The following CMTM7 variants were observed in gnomAD, a reference collection of about 807,000 sequenced individuals.
The protein encoded by CMTM7 is CKLF-like MARVEL transmembrane domain-containing protein 7.
A neutral mutation model predicts 19.3 loss-of-function variants in CMTM7; 7 were observed. The ratio of observed to expected loss-of-function variants is 0.36; its 90% CI spans 0.21 to 0.68. CMTM7 has a LOEUF of 0.68. Ranked by LOEUF, CMTM7 falls within the 30% of genes least tolerant of loss-of-function variation. The probability of loss-of-function intolerance (pLI) is 0.60; values close to 1 mark genes in which losing one functional copy is unlikely to be tolerated. For missense variants in CMTM7, 193 were observed against 232.6 expected, an observed-to-expected ratio of 0.83 and a Z score of 1.11; for synonymous variants, 87 against 99.3, an observed-to-expected ratio of 0.88 and a Z score of 0.74.
intron 1 of CMTM7, among the ~76,000 whole-genome samples, chr3:32,440,365 T>C (rs1455069566): frequency 1.3e-5 from 2 of 151,866 alleles, no homozygotes. Context: ...AAGATCATGC[T>C]ACTGCACTCC....
chr3:32,411,276 G>C (rs1696171623), intron 1 of CMTM7, among the ~76,000 whole-genome samples: 1 of 152,058 alleles, frequency 6.6e-6, no homozygotes, highest in African/African-American at 2.4e-5. Flanking sequence ...TATCGTTCAG[G>C]ATTTTTGTCT....
intron 2 of CMTM7, among the ~76,000 whole-genome samples, chr3:32,443,875 C>A (rs997280065): frequency 6.6e-6 from 1 of 152,142 alleles, no homozygotes; most frequent in South Asian, 2.1e-4. Context: ...GAAGAAATGT[C>A]TATTCGAGTC....
chr3:32,449,436 C>G lies in CMTM7; in HGVS notation c.334-18C>G. ...ATGGACGGCCCTACCCACTTATTTG[C>G]TTTGTTTCTGCCCCCAGGAACTTCT... On this transcript the variant is annotated intron_variant, in intron 2 of 4. Coordinates refer to ENST00000334983, the MANE Select transcript of CMTM7 (RefSeq NM_138410.4). The surrounding 1 kb of genome is among the most constrained non-coding windows in gnomAD (Gnocchi z 4.5). 1.9e-6 allele frequency: 3 copies of G among 1,589,640 alleles called. No homozygotes were observed. The highest frequency in any genetic ancestry group is 2.6e-6 in the Non-Finnish European group (3 of 1,157,756).
intron 1 of CMTM7, among the ~76,000 whole-genome samples, chr3:32,394,426 A>G (rs1695885883): frequency 6.6e-6 from 1 of 152,200 alleles, no homozygotes; most frequent in African/African-American, 2.4e-5. Context: ...AAATGTTTTC[A>G]TCATGATCTG....
chr3:32,401,481 A>C (rs546133314), intron 1 of CMTM7, among the ~76,000 whole-genome samples: 1 of 151,958 alleles, frequency 6.6e-6, no homozygotes, highest in African/African-American at 2.4e-5. Context: ...GGCCCTAGAG[A>C]CCCCGGCCCC....
chr3:32,417,821 T>G (rs993859184), intron 1 of CMTM7, among the ~76,000 whole-genome samples: 6 of 151,826 alleles, frequency 4.0e-5, no homozygotes, highest in East Asian at 3.9e-4. Flanking sequence ...TTGGTTTTTT[T>G]TTTGTTTGTT....
intron 1 of CMTM7, among the ~76,000 whole-genome samples, chr3:32,410,109 G>A (rs1164115680): frequency 6.6e-6 from 1 of 152,140 alleles, no homozygotes; most frequent in Non-Finnish European, 1.5e-5. Flanking sequence ...CCTTAGGAGG[G>A]CCTTCGTCAG....
chr3:32,421,275 G>T (rs901602754), intron 1 of CMTM7, among the ~76,000 whole-genome samples: 2 of 151,224 alleles, frequency 1.3e-5, no homozygotes, highest in African/African-American at 4.9e-5. Flanking sequence ...GCTCCCCATC[G>T]CCCACCTAGC....
intron 1 of CMTM7, among the ~76,000 whole-genome samples, chr3:32,433,880 C>T (rs1326622305): frequency 1.3e-5 from 2 of 152,240 alleles, no homozygotes; most frequent in African/African-American, 2.4e-5. Context: ...TGCCCTAGTT[C>T]ATGCCATCTA....
At chr3:32,436,920 G>A (rs150104259) in intron 1 of CMTM7, among the ~76,000 whole-genome samples, 4 of 152,008 alleles carry the variant, frequency 2.6e-5, no homozygotes, top group Admixed American at 2.0e-4. Flanking sequence ...ATTTTTCATC[G>A]TAGACCTCAA....
At chr3:32,412,404 T>C (rs999886349) in intron 1 of CMTM7, among the ~76,000 whole-genome samples, 1 of 151,536 alleles carries the variant, frequency 6.6e-6, no homozygotes, top group Non-Finnish European at 1.5e-5. Context: ...GGAGAATTGC[T>C]TGAACCCAGG....
intron 1 of CMTM7, among the ~76,000 whole-genome samples, chr3:32,396,106 T>C (rs1239879644): frequency 4.6e-5 from 7 of 152,012 alleles, no homozygotes; most frequent in Non-Finnish European, 8.8e-5. Flanking sequence ...GACACAAAAA[T>C]AGATTAGTGG....
Position 32,449,483 on chromosome 3 carries a change from G to A in CMTM7, c.363G>A (p.Leu121=). 1.9e-6 allele frequency: 3 copies of A among 1,614,104 alleles called. No individual in the cohort carries two copies. The highest frequency in any genetic ancestry group is 2.5e-6 in the Non-Finnish European group (3 of 1,179,970). The part of the protein sequence containing the change: ...SELLHYLIGT[L]LLLIASIVAA... ...TTCTGCACTATTTAATCGGTACCCT[G>A]CTCCTCCTCATCGCCTCCATTGTGG... The change falls in exon 3 of 5, where the codon CTG becomes CTA. Residue 121 remains leucine, a synonymous_variant. Coordinates refer to ENST00000334983, the MANE Select transcript of CMTM7 (RefSeq NM_138410.4). The surrounding 1 kb of genome is among the most constrained non-coding windows in gnomAD (Gnocchi z 4.5).
At chr3:32,411,260 C>T (rs1696170069) in intron 1 of CMTM7, among the ~76,000 whole-genome samples, 1 of 152,194 alleles carries the variant, frequency 6.6e-6, no homozygotes, top group African/African-American at 2.4e-5. Context: ...TAACACAAAT[C>T]TCTCTTATCG....
Position 32,442,019 on chromosome 3 carries a change from A to G in CMTM7, c.333+6A>G, listed in dbSNP as rs1416718750. On this transcript the variant is annotated splice_donor_region_variant and intron_variant, in intron 2 of 4. Coordinates refer to ENST00000334983, the MANE Select transcript of CMTM7 (RefSeq NM_138410.4). Reference sequence around the variant, plus strand: ...GTATCAGCTGGCCCCTGTCGGTAAGAGAGTGGTCTGGCCCTGTCCTCCGCA... The same window carrying G: ...GTATCAGCTGGCCCCTGTCGGTAAGGGAGTGGTCTGGCCCTGTCCTCCGCA... 2 of 1,613,688 alleles carry G rather than the reference A, an allele frequency of 1.2e-6. No individual in the cohort carries two copies. The highest frequency in any genetic ancestry group is 1.7e-6 in the Non-Finnish European group (2 of 1,179,848).
intron 1 of CMTM7, among the ~76,000 whole-genome samples, chr3:32,396,993 A>G (rs80223208): frequency 0.01 from 1,555 of 152,306 alleles, 30 homozygotes; most frequent in African/African-American, 0.035. Context: ...GACTGTGACA[A>G]AGTTCTTGCC....
intron 4 of CMTM7, among the ~76,000 whole-genome samples, chr3:32,453,220 C>T (rs1696863029): frequency 6.6e-6 from 1 of 152,028 alleles, no homozygotes; most frequent in Non-Finnish European, 1.5e-5. Context: ...GCAAGAGGAT[C>T]ACCTGAGCCC....
rs558773383 is a variant in CMTM7, at chr3:32,430,259, G to A, written c.160-11581G>A. 7.2e-5 allele frequency among the ~76,000 whole-genome samples: 11 copies of A among 152,260 alleles called. No homozygotes were observed. In the East Asian group the frequency reaches 2.1e-3, roughly 29 times the overall value. ...ATTGTTGTGAAGCAGATCCTGCGCT[G>A]TTTCATCTCATCTGCAATCATTACA... On this transcript the variant is annotated intron_variant, in intron 1 of 4. Coordinates refer to ENST00000334983, the MANE Select transcript of CMTM7 (RefSeq NM_138410.4).
intron 1 of CMTM7, among the ~76,000 whole-genome samples, chr3:32,429,127 T>G (rs1194590866): frequency 6.6e-6 from 1 of 152,228 alleles, no homozygotes; most frequent in African/African-American, 2.4e-5. Context: ...GAATTGCTTA[T>G]TAAACAGAAT....
Sources: allele counts gnomAD v4.1 joint callset (sites outside exome capture counted in the v4.1 genomes callset), GRCh38; gene constraint gnomAD v4.1.1; non-coding constraint Gnocchi (gnomAD v3.1); transcripts MANE v1.5; gene names NCBI Gene and HGNC (gene_info 2026-07-23, HGNC 2026-07-21).